The following MRPS28 variants were observed in gnomAD, a reference collection of about 807,000 sequenced individuals.
MRPS28 encodes the protein small ribosomal subunit protein bS1m.
A neutral mutation model predicts 10.8 loss-of-function variants in MRPS28; 7 were observed. The ratio of observed to expected loss-of-function variants is 0.65; its 90% CI spans 0.37 to 1.22. The LOEUF (loss-of-function observed/expected upper bound fraction) is 1.22. Among genes scored for constraint, MRPS28 ranks in the 50% most tolerant of loss-of-function variants. The pLI is 0.02. For missense variants in MRPS28, 265 were observed against 232.9 expected (o/e 1.14, Z -0.90); for synonymous variants, 121 against 93.3 (o/e 1.30, Z -1.71).
intron 1 of MRPS28, among the ~76,000 whole-genome samples, chr8:80,023,423 CTA>C (rs1279943329): frequency 6.6e-6 from 1 of 151,792 alleles, no homozygotes; most frequent in Admixed American, 6.6e-5. Context: ...CCCTTTAAAT[CTA>C]TATATTTTTA....
At chr8:79,964,086 C>T in intron 2 of MRPS28, among the ~76,000 whole-genome samples, 1 of 151,890 alleles carries the variant, frequency 6.6e-6, no homozygotes, top group Non-Finnish European at 1.5e-5. Flanking sequence ...AGAGGTTGGG[C>T]ACAAAGAGAA....
At chr8:79,968,175 G>C (rs1807546412) in intron 2 of MRPS28, among the ~76,000 whole-genome samples, 1 of 151,820 alleles carries the variant, frequency 6.6e-6, no homozygotes, top group South Asian at 2.1e-4. Context: ...TTTTGCAATA[G>C]CCTCCTAAAT....
At chr8:79,957,540 T>C (rs1014343804) in intron 2 of MRPS28, among the ~76,000 whole-genome samples, 4 of 107,204 alleles carry the variant, frequency 3.7e-5, no homozygotes, top group African/African-American at 1.1e-4. Flanking sequence ...TGAGACCTTG[T>C]CTCTACAAAA....
intron 1 of MRPS28, among the ~76,000 whole-genome samples, chr8:80,027,319 C>G (rs1809516935): frequency 6.6e-6 from 1 of 152,142 alleles, no homozygotes; most frequent in Non-Finnish European, 1.5e-5. Flanking sequence ...AGCATTATCT[C>G]CACTTTGAGA....
intron 2 of MRPS28, among the ~76,000 whole-genome samples, chr8:79,926,079 T>A (rs1318246776): frequency 1.3e-5 from 2 of 151,822 alleles, no homozygotes; most frequent in African/African-American, 4.8e-5. Flanking sequence ...ATCAAGTCTA[T>A]TTTTATTAAA....
At chr8:79,923,324 A>G (rs1354646423) in intron 2 of MRPS28, among the ~76,000 whole-genome samples, 2 of 152,146 alleles carry the variant, frequency 1.3e-5, no homozygotes, top group African/African-American at 4.8e-5. Context: ...ATTACCTATG[A>G]CCTCTTGAAA....
chr8:79,955,632 G>A (rs552215935), intron 2 of MRPS28, among the ~76,000 whole-genome samples: 2 of 152,134 alleles, frequency 1.3e-5, no homozygotes, highest in South Asian at 4.2e-4. Context: ...ACATGTTTTA[G>A]GTTATTTTTA....
intron 2 of MRPS28, among the ~76,000 whole-genome samples, chr8:79,987,046 C>T (rs1456383857): frequency 6.6e-6 from 1 of 151,620 alleles, no homozygotes; most frequent in Non-Finnish European, 1.5e-5. Context: ...CTACAGTAAC[C>T]AAAACAGCAT....
At chr8:80,008,649 T>C (rs1337385102) in intron 1 of MRPS28, among the ~76,000 whole-genome samples, 1 of 152,202 alleles carries the variant, frequency 6.6e-6, no homozygotes, top group East Asian at 1.9e-4. Flanking sequence ...AAGACATTTA[T>C]GCAACCAAAA....
At chr8:80,004,854 G>A (rs530244014) in intron 1 of MRPS28, among the ~76,000 whole-genome samples, 1 of 152,202 alleles carries the variant, frequency 6.6e-6, no homozygotes, top group African/African-American at 2.4e-5. Context: ...AGCTTCAGTA[G>A]CTGATTCGAT....
intron 2 of MRPS28, among the ~76,000 whole-genome samples, chr8:79,919,365 G>T (rs1036707977): frequency 6.4e-5 from 9 of 139,624 alleles, no homozygotes; most frequent in Non-Finnish European, 1.3e-4. Context: ...AAAAAAAAAA[G>T]AGTTTCACTC....
chr8:79,932,284 G>A (rs1258069884), intron 2 of MRPS28, among the ~76,000 whole-genome samples: 1 of 152,140 alleles, frequency 6.6e-6, no homozygotes. Flanking sequence ...AAAATAAAGT[G>A]ATATGTTAGA....
chr8:79,980,423 T>G (rs907321387), intron 2 of MRPS28, among the ~76,000 whole-genome samples: 4 of 152,228 alleles, frequency 2.6e-5, no homozygotes, highest in Non-Finnish European at 5.9e-5. Flanking sequence ...CATAGCCAAC[T>G]ATGAAGACAA....
intron 2 of MRPS28, among the ~76,000 whole-genome samples, chr8:79,979,435 T>G (rs1348310033): frequency 6.6e-6 from 1 of 152,148 alleles, no homozygotes; most frequent in African/African-American, 2.4e-5. Context: ...GTCTGACCAA[T>G]TAAATGAAAA....
At chr8:79,957,362 G>C (rs1807247528) in intron 2 of MRPS28, 1 of 151,882 alleles carries the variant, frequency 6.6e-6, no homozygotes, top group South Asian at 2.1e-4. Flanking sequence ...TCTACTAATA[G>C]CAAGACTCTG....
intron 2 of MRPS28, among the ~76,000 whole-genome samples, chr8:79,924,308 CT>C (rs1810175770): frequency 6.6e-6 from 1 of 152,092 alleles, no homozygotes; most frequent in Non-Finnish European, 1.5e-5. Flanking sequence ...TCCATTTTCT[CT>C]TTTTTCAAGA....
At chr8:79,949,425 A>C (rs961632222) in intron 2 of MRPS28, among the ~76,000 whole-genome samples, 7 of 151,786 alleles carry the variant, frequency 4.6e-5, no homozygotes, top group Admixed American at 6.5e-5. Context: ...AAAAAAAAAA[A>C]AAACAACAAC....
At chr8:80,021,532 C>A (rs1809365339) in intron 1 of MRPS28, among the ~76,000 whole-genome samples, 1 of 152,156 alleles carries the variant, frequency 6.6e-6, no homozygotes. Flanking sequence ...AGACTGGGAC[C>A]AAGGGATGCT....
intron 2 of MRPS28, among the ~76,000 whole-genome samples, chr8:79,989,344 T>C (rs530745091): frequency 1.3e-5 from 2 of 152,328 alleles, no homozygotes; most frequent in South Asian, 4.1e-4. Flanking sequence ...TGCAATTTTA[T>C]ACGGTTTAAA....
Sources: gnomAD v4.1 joint callset for allele counts (sites outside exome capture counted in the v4.1 genomes callset) on GRCh38, gnomAD v4.1.1 for gene constraint, MANE v1.5 for transcripts, NCBI Gene and HGNC (gene_info 2026-07-23, HGNC 2026-07-21) for gene names.